USP25: variants seen among roughly 807,000 people sequenced by gnomAD.
USP25 encodes ubiquitin specific peptidase 25.
USP25 carries 85 observed loss-of-function variants against 158.5 expected under a neutral mutation model. The observed-to-expected ratio is 0.54, with a 90% CI of 0.45 to 0.64. The LOEUF (loss-of-function observed/expected upper bound fraction) is 0.64, where lower values mean the gene tolerates loss of function less well. Ranked by LOEUF, USP25 falls within the 30% of genes least tolerant of loss-of-function variation. The pLI, the probability that USP25 is intolerant of heterozygous loss-of-function variation, is 0.00. For synonymous variants in USP25, 464 were observed against 460.4 expected, an observed-to-expected ratio of 1.01 and a Z score of -0.10; for missense variants, 1,242 against 1,327.3, an observed-to-expected ratio of 0.94 and a Z score of 1.00.
At chr21:15,840,686 C>G (rs2038290116) in intron 17 of USP25, among the ~76,000 whole-genome samples, 1 of 152,124 alleles carries the variant, frequency 6.6e-6, no homozygotes, top group Non-Finnish European at 1.5e-5. Context: ...CCCTGGTGAC[C>G]TAAGGTGGAT....
intron 20 of USP25, among the ~76,000 whole-genome samples, chr21:15,858,159 A>G (rs1302325439): frequency 6.6e-6 from 1 of 152,078 alleles, no homozygotes; most frequent in African/African-American, 2.4e-5. Flanking sequence ...GTTCTTTTAT[A>G]AACAGGAAGT....
intron 2 of USP25, among the ~76,000 whole-genome samples, chr21:15,763,265 C>A (rs749150397): frequency 1.3e-5 from 2 of 151,924 alleles, no homozygotes; most frequent in Non-Finnish European, 2.9e-5. Context: ...GTTTTACTTA[C>A]GAGCTGTGAT....
chr21:15,812,200 A>G (rs1269607683), intron 9 of USP25, among the ~76,000 whole-genome samples: 1 of 151,646 alleles, frequency 6.6e-6, no homozygotes, highest in Non-Finnish European at 1.5e-5. Flanking sequence ...ACGTTGGGTC[A>G]TTCATCTTAA....
At chr21:15,756,760 C>T (rs955496936) in intron 1 of USP25, among the ~76,000 whole-genome samples, 42 of 152,244 alleles carry the variant, frequency 2.8e-4, no homozygotes, top group Middle Eastern at 3.4e-3. Context: ...ATCTTGACTT[C>T]TTTGCTTATT....
chr21:15,744,410 C>G (rs1192442194), intron 1 of USP25: 1 of 152,336 alleles, frequency 6.6e-6, no homozygotes, highest in Admixed American at 6.5e-5. Context: ...ACTGCAACCT[C>G]TGCCTCCTGG....
intron 17 of USP25, 60 bp from the exon 18 acceptor site, chr21:15,842,338 T>C (rs2038374747): frequency 9.9e-6 from 15 of 1,508,938 alleles, no homozygotes; most frequent in Non-Finnish European, 8.9e-6. Context: ...ATAAAAGATT[T>C]ATCTTAGTAT....
rs1300070644 is a variant in USP25 at position 15,777,995 on chromosome 21, T to G, written c.360T>G (p.Thr120=). ...LAESNRAFRE[T]GITDEEQAIS... The stretch of plus-strand genomic sequence containing the variant: ...AATCAAACAGGGCATTCAGGGAGAC[T>G]GGAATAACTGATGAGGAACAAGCCA... Residue 120 remains threonine, a synonymous_variant, in exon 4 of 26, where the codon ACT becomes ACG. Coordinates refer to ENST00000400183, the MANE Select transcript of USP25 (RefSeq NM_001283041.3). 5.0e-6 allele frequency: 8 copies of G among 1,610,688 alleles called. No individual in the cohort carries two copies. The highest frequency in any genetic ancestry group is 6.8e-6 in the Non-Finnish European group (8 of 1,178,792).
chr21:15,777,074 AC>A (rs2034697395), intron 3 of USP25, among the ~76,000 whole-genome samples: 1 of 152,180 alleles, frequency 6.6e-6, no homozygotes, highest in Admixed American at 6.5e-5. Context: ...AGGGAAATTG[AC>A]CAATATATAT....
At chr21:15,741,474 A>T (rs559663712) in intron 1 of USP25, among the ~76,000 whole-genome samples, 122 of 152,294 alleles carry the variant, frequency 8.0e-4, no homozygotes, top group Middle Eastern at 6.8e-3. Flanking sequence ...GGAGAATTTC[A>T]GGTGGTCTAC....
chr21:15,777,151 G>T (rs967536868), intron 3 of USP25, among the ~76,000 whole-genome samples: 5 of 152,080 alleles, frequency 3.3e-5, no homozygotes, highest in South Asian at 4.1e-4. Flanking sequence ...TTTGGAAAAA[G>T]AATTAATACT....
At chr21:15,740,431 A>G (rs776115270) in intron 1 of USP25, among the ~76,000 whole-genome samples, 4 of 152,098 alleles carry the variant, frequency 2.6e-5, no homozygotes, top group Non-Finnish European at 4.4e-5. Context: ...TCTCTCCATC[A>G]GTGCAGCAAC....
chr21:15,861,185 A>T (rs2082097316), intron 20 of USP25, among the ~76,000 whole-genome samples: 1 of 152,088 alleles, frequency 6.6e-6, no homozygotes. Flanking sequence ...ATGAACAAGA[A>T]AGGATATCAC....
intron 1 of USP25, among the ~76,000 whole-genome samples, chr21:15,757,434 G>A (rs556190958): frequency 6.6e-6 from 1 of 152,118 alleles, no homozygotes; most frequent in Non-Finnish European, 1.5e-5. Flanking sequence ...TAGGATATTT[G>A]TCTGAATTTA....
chr21:15,756,921 A>G (rs1215961877), intron 1 of USP25, among the ~76,000 whole-genome samples: 2 of 152,156 alleles, frequency 1.3e-5, no homozygotes, highest in East Asian at 3.8e-4. Context: ...CCAGAAGAGG[A>G]GCTCTAGATA....
intron 20 of USP25, among the ~76,000 whole-genome samples, chr21:15,852,686 T>C (rs530848500): frequency 1.4e-4 from 22 of 152,272 alleles, no homozygotes; most frequent in African/African-American, 4.8e-4. Flanking sequence ...TGTTAGAAAT[T>C]GTCAGTACCA....
intron 24 of USP25, among the ~76,000 whole-genome samples, chr21:15,874,841 G>A (rs2040037298): frequency 6.6e-6 from 1 of 152,186 alleles, no homozygotes; most frequent in East Asian, 1.9e-4. Flanking sequence ...GGGATGCATA[G>A]ATAAGCCTTA....
intron 1 of USP25, among the ~76,000 whole-genome samples, chr21:15,760,976 G>A (rs1568770135): frequency 6.6e-6 from 1 of 152,218 alleles, no homozygotes; most frequent in Non-Finnish European, 1.5e-5. Context: ...GGTATGGGAT[G>A]CAGTCAGTTC....
intron 18 of USP25, among the ~76,000 whole-genome samples, chr21:15,842,906 A>T (rs751974252): frequency 3.3e-5 from 5 of 152,130 alleles, no homozygotes; most frequent in Non-Finnish European, 5.9e-5. Flanking sequence ...AATAGTTGAG[A>T]ATTTAAGACC....
At chr21:15,768,713 A>G (rs972646176) in intron 3 of USP25, among the ~76,000 whole-genome samples, 2 of 151,838 alleles carry the variant, frequency 1.3e-5, no homozygotes, top group African/African-American at 2.4e-5. Context: ...AGATATAAAA[A>G]CCCTTTTTGA....
Sources: allele counts gnomAD v4.1 joint callset (sites outside exome capture counted in the v4.1 genomes callset), GRCh38; gene constraint gnomAD v4.1.1; transcripts MANE v1.5; gene names NCBI Gene and HGNC (gene_info 2026-07-23, HGNC 2026-07-21).